SEZ6L2: variants seen among roughly 807,000 people sequenced by gnomAD.
SEZ6L2 encodes the protein seizure 6-like protein 2.
SEZ6L2 carries 44 observed loss-of-function variants against 97.0 expected under a neutral mutation model. The ratio of observed to expected loss-of-function variants is 0.45; its 90% confidence interval spans 0.36 to 0.58. The LOEUF is 0.58. SEZ6L2 is among the 20% of genes least tolerant of loss of function. The pLI, the probability that SEZ6L2 is intolerant of heterozygous loss-of-function variation, is 0.00. For missense variants in SEZ6L2, 1,086 were observed against 1,233.3 expected (o/e 0.88, Z 1.79); for synonymous variants, 543 against 546.1 (o/e 0.99, Z 0.08).
At chr16:29,878,135 G>C in intron 10 of SEZ6L2, 152 bp downstream of exon 10, 1 of 929,594 alleles carries the variant, frequency 1.1e-6, no homozygotes, top group Non-Finnish European at 1.5e-6. Context: ...GCTCTCTCAC[G>C]TCTATCCTGT....
intron 8 of SEZ6L2, among the ~76,000 whole-genome samples, chr16:29,882,927 A>G (rs1406104196): frequency 6.6e-6 from 1 of 152,170 alleles, no homozygotes; most frequent in Non-Finnish European, 1.5e-5. Context: ...ATAGAATAGC[A>G]GTGGCCTACA....
At chr16:29,892,596 T>C (rs1274871742) in intron 5 of SEZ6L2, among the ~76,000 whole-genome samples, 1 of 152,144 alleles carries the variant, frequency 6.6e-6, no homozygotes, top group Non-Finnish European at 1.5e-5. Context: ...AGCAGAGGCC[T>C]CAAAAGAGGC....
chr16:29,895,917 C>T (rs1268119728), intron 3 of SEZ6L2, 57 bp from the exon 4 acceptor site: 2 of 1,539,650 alleles, frequency 1.3e-6, no homozygotes, highest in African/African-American at 2.7e-5. Flanking sequence ...GCCCTCCCAG[C>T]CAAGCAACTC....
intron 8 of SEZ6L2, among the ~76,000 whole-genome samples, chr16:29,882,756 T>TTTTTG (rs1296426637): frequency 5.9e-5 from 9 of 152,032 alleles, no homozygotes; most frequent in East Asian, 5.8e-4. Flanking sequence ...CCTGGCTAAT[T>TTTTTG]TTTTGTTTTG....
chr16:29,896,787 G>A, intron 3 of SEZ6L2, 35 bp downstream of exon 3: 2 of 1,596,364 alleles, frequency 1.3e-6, no homozygotes, highest in Non-Finnish European at 1.7e-6. Flanking sequence ...TACCTCTCCG[G>A]TCCTCCCACC....
chr16:29,893,180 C>T (rs765797388), intron 5 of SEZ6L2, among the ~76,000 whole-genome samples: 74 of 151,346 alleles, frequency 4.9e-4, no homozygotes, highest in Admixed American at 1.1e-3. Context: ...CAAAGTTAGC[C>T]GGGAGTGGTG....
At chr16:29,892,588 C>T (rs1347073608) in intron 5 of SEZ6L2, among the ~76,000 whole-genome samples, 2 of 152,240 alleles carry the variant, frequency 1.3e-5, no homozygotes, top group Non-Finnish European at 2.9e-5. Flanking sequence ...AGGTCCTGAG[C>T]AGAGGCCTCA....
At chr16:29,880,596 C>T (rs189183009) in intron 8 of SEZ6L2, among the ~76,000 whole-genome samples, 71 of 152,104 alleles carry the variant, frequency 4.7e-4, no homozygotes, top group African/African-American at 1.5e-3. Context: ...GCTGGGATTA[C>T]AGGCATGAGC....
rs756527006 is a variant in SEZ6L2 at position 29,872,398 on chromosome 16, A to G, written c.2645+11T>C. On this transcript the variant is annotated intron_variant, in intron 16 of 17. Transcript: ENST00000617533. ...CTGCCCTGGCCGGCAGTCCCCAAGC[A>G]GGCTACTTACTTGGTGTAGTAGATG... The G allele has an allele frequency of 6.2e-7, 1 of 1,612,896 alleles. No homozygotes were observed. Among genetic ancestry groups the G allele is most frequent in the East Asian group, 2.2e-5 (1 of 44,864 alleles).
chr16:29,879,199 G>C (rs907120174), intron 9 of SEZ6L2, among the ~76,000 whole-genome samples: 2 of 147,420 alleles, frequency 1.4e-5, no homozygotes, highest in Admixed American at 1.4e-4. Context: ...CACTGCTCCC[G>C]GCTTTATCCA....
At chr16:29,874,763 G>C (rs557583749) in intron 12 of SEZ6L2, among the ~76,000 whole-genome samples, 1 of 151,702 alleles carries the variant, frequency 6.6e-6, no homozygotes, top group African/African-American at 2.4e-5. Context: ...TATAGACAGG[G>C]TTTCGCCATG....
rs1401372030 is a variant in SEZ6L2, at chr16:29,885,699, G to A, written c.1259C>T (p.Ser420Leu). Residue 420 changes from serine (S) to leucine (L), a missense_variant, in exon 8 of 18, where the codon TCG becomes TTG. This residue lies in a region of SEZ6L2 where 776 missense variants were observed against 794.7 expected (regional missense o/e 0.98). Transcript: ENST00000617533. Reference protein sequence around the residue: ...GSPLSPVIYDSDMDDVPERGL... With the variant: ...GSPLSPVIYDLDMDDVPERGL... ...CCGCTCGGGGACATCGTCCATGTCC[G>A]AATCATAGATCACGGGGGATAGGGG... The A allele has an allele frequency of 2.5e-6, 4 of 1,613,842 alleles. No homozygotes were observed. The South Asian group carries it at 3.3e-5, about 13-fold the overall frequency.
At chr16:29,878,447 G>A (rs765889537) in intron 9 of SEZ6L2, 22 bp from the exon 10 acceptor site, 33 of 1,575,922 alleles carry the variant, frequency 2.1e-5, no homozygotes, top group Admixed American at 7.0e-5. Flanking sequence ...GGGGTGTCAG[G>A]TTCAGGACCC....
chr16:29,898,931 A>G lies in SEZ6L2; in HGVS notation c.79+10T>C. ...TCCTGGGGCCCACCCCCACAGTCTCATGTCCTTACCCTGGATCCAGGGACA... is the reference window on the plus strand; with the variant it reads ...TCCTGGGGCCCACCCCCACAGTCTCGTGTCCTTACCCTGGATCCAGGGACA... On this transcript the variant is annotated intron_variant, in intron 1 of 17. Transcript: ENST00000617533. 1 of 1,608,592 alleles carries G rather than the reference A, an allele frequency of 6.2e-7. No homozygotes were observed. Among genetic ancestry groups the G allele is most frequent in the South Asian group, 1.1e-5 (1 of 90,786 alleles).
At chr16:29,872,377 C>T (rs778578412) in intron 16 of SEZ6L2, 32 bp downstream of exon 16, 1 of 1,610,910 alleles carries the variant, frequency 6.2e-7, no homozygotes, top group Non-Finnish European at 8.5e-7. Context: ...AGACGTCTGC[C>T]CTGGCCGGCA....
At chr16:29,895,178 CAAAAAAAAAAA>C in intron 5 of SEZ6L2, 70 bp downstream of exon 5, 3 of 568,102 alleles carry the variant, frequency 5.3e-6, no homozygotes, top group Non-Finnish European at 8.5e-6. Flanking sequence ...GACTCTGTCT[CAAAAAAAAAAA>C]AAAAAAAAAA....
At chr16:29,890,668 C>G (rs1196965941) in intron 5 of SEZ6L2, among the ~76,000 whole-genome samples, 1 of 151,644 alleles carries the variant, frequency 6.6e-6, no homozygotes, top group Non-Finnish European at 1.5e-5. Flanking sequence ...GACTCTACAT[C>G]TCTCCAACAG....
In SEZ6L2 at chr16:29,885,685, C is replaced by T; in HGVS notation, c.1273G>A (p.Val425Ile). 1 of 1,613,996 alleles carries T rather than the reference C, an allele frequency of 6.2e-7. No homozygotes were observed. Among genetic ancestry groups the T allele is most frequent in the South Asian group, 1.1e-5 (1 of 91,058 alleles). The stretch of plus-strand genomic sequence containing the variant: ...TCACTGATGAGACCCCGCTCGGGGA[C>T]ATCGTCCATGTCCGAATCATAGATC... ...PVIYDSDMDD[V>I]PERGLISDAQ... The change falls in exon 8 of 18, where the codon GTC becomes ATC. Residue 425 changes from valine to isoleucine, a missense_variant. Val to Ile is a conservative substitution (Grantham distance 29). Around this residue, in one of 2 missense-constraint regions of SEZ6L2, gnomAD observed 776 missense variants for 794.7 expected, o/e 0.98. Transcript: ENST00000617533.
At chr16:29,890,802 G>T (rs1431956502) in intron 5 of SEZ6L2, among the ~76,000 whole-genome samples, 2 of 138,644 alleles carry the variant, frequency 1.4e-5, no homozygotes, top group Non-Finnish European at 3.0e-5. Flanking sequence ...AGTCTGGAGT[G>T]CAGTGGCTTG....
Sources: gnomAD v4.1 joint callset for allele counts (sites outside exome capture counted in the v4.1 genomes callset) on GRCh38, gnomAD v4.1.1 for gene constraint, gnomAD v4.1.1 regional missense constraint, MANE v1.5 for transcripts, NCBI Gene and HGNC (gene_info 2026-07-23, HGNC 2026-07-21) for gene names.